Variants in PRH1 observed in about 807,000 individuals in gnomAD.
PRH1 encodes the protein proline rich protein HaeIII subfamily 1, also known as salivary acidic proline-rich phosphoprotein 1/2.
In PRH1, 7 loss-of-function variants were observed where a neutral mutation model predicts 7.9. The observed-to-expected ratio is 0.89, with a 90% CI of 0.50 to 1.67. The LOEUF (loss-of-function observed/expected upper bound fraction) is 1.67. Ranked by LOEUF, PRH1 falls within the 40% of genes most tolerant of loss-of-function variation. The pLI, the probability that PRH1 is intolerant of heterozygous loss-of-function variation, is 0.00. For missense variants in PRH1, 109 were observed against 223.6 expected (o/e 0.49, Z 3.27); for synonymous variants, 45 against 80.8 (o/e 0.56, Z 2.38).
intron 2 of PRH1, among the ~76,000 whole-genome samples, chr12:10,961,932 C>T (rs1341350737): frequency 6.6e-6 from 1 of 152,154 alleles, no homozygotes; most frequent in African/African-American, 2.4e-5. Flanking sequence ...ATGAAGTTGC[C>T]ACAACAGAGT....
chr12:10,902,305 C>T (rs752110870), intron 2 of PRH1, among the ~76,000 whole-genome samples: 1 of 151,374 alleles, frequency 6.6e-6, no homozygotes, highest in South Asian at 2.1e-4. Context: ...TTTGAACTAA[C>T]CCAGAAAAAA....
chr12:11,046,980 G>A, intron 1 of PRH1: 1 of 482,412 alleles, frequency 2.1e-6, no homozygotes, highest in Non-Finnish European at 4.4e-6. Flanking sequence ...GAATCATCAA[G>A]ATTAGTGGTT....
In PRH1 at chr12:11,006,583, C is replaced by T. The variant is rs957939283; in HGVS notation, c.-125-32862G>A. ...TTTTGTGGAGACAAATTTCCAAGAA[C>T]GAATGCAAACACACAGAGTTGACAA... is the stretch of plus-strand genomic sequence containing the variant. On this transcript the variant is annotated intron_variant, in intron 1 of 3. Transcript: ENST00000539853. 5.3e-5 allele frequency among the ~76,000 whole-genome samples: 8 copies of T among 151,762 alleles called. No homozygotes were observed. In the South Asian group the frequency reaches 1.0e-3, roughly 20 times the overall value.
At chr12:10,981,867 T>A (rs2135972080) in intron 1 of PRH1, among the ~76,000 whole-genome samples, 1 of 150,960 alleles carries the variant, frequency 6.6e-6, no homozygotes, top group East Asian at 1.9e-4. Context: ...ACAACTAATT[T>A]TTTTTTTTTT....
chr12:10,937,265 T>C (rs1950304514), intron 2 of PRH1: 1 of 151,896 alleles, frequency 6.6e-6, no homozygotes, highest in African/African-American at 2.4e-5. Context: ...TGTATGAATA[T>C]GTATATTGTA....
intron 2 of PRH1, among the ~76,000 whole-genome samples, chr12:10,947,403 A>G (rs1232838860): frequency 2.6e-5 from 4 of 151,740 alleles, no homozygotes; most frequent in Non-Finnish European, 3.0e-5. Context: ...TTTTTTTTAA[A>G]AAACTTTCAT....
chr12:11,122,502 T>C (rs953529531), intron 1 of PRH1, among the ~76,000 whole-genome samples: 1 of 152,256 alleles, frequency 6.6e-6, no homozygotes, highest in Non-Finnish European at 1.5e-5. Context: ...ATGTCCACAC[T>C]TGTTGTGTCA....
intron 1 of PRH1, among the ~76,000 whole-genome samples, chr12:11,066,333 T>C (rs959422947): frequency 1.2e-4 from 19 of 152,178 alleles, no homozygotes; most frequent in Non-Finnish European, 2.6e-4. Context: ...AGCTAGCTCA[T>C]AAAATGTATC....
chr12:11,070,968 A>G lies in PRH1; in HGVS notation n.124-23780T>C, dbSNP rs533696615. Among the ~76,000 whole-genome samples the G allele has an allele frequency of 1.5e-3, 214 of 142,336 alleles. 1 individual carries two copies. Among genetic ancestry groups the G allele is most frequent in the African/African-American group, 5.1e-3 (202 of 39,358 alleles). The allele number at this position is 142,336 out of a possible 152,430, so 93.4% of individuals were successfully genotyped here. A position where few individuals can be genotyped will look rare whatever the true frequency, so the allele number is the denominator to read the frequency against. On this transcript the variant is annotated intron_variant and non_coding_transcript_variant, in intron 1 of 4. Coordinates refer to the PRH1 transcript ENST00000541977. ...ATTGCCCCATTTTTTTCTAAGAAAA[A>G]GAGAATGAATTATGATTTTTATTAT...
chr12:11,030,337 A>T, intron 1 of PRH1: 1 of 1,543,108 alleles, frequency 6.5e-7, no homozygotes, highest in East Asian at 2.2e-5. Context: ...ACCAGTAAGA[A>T]ATATAAAATG....
intron 1 of PRH1, chr12:11,133,107 C>T (rs1946417203): frequency 4.4e-6 from 3 of 688,192 alleles, no homozygotes; most frequent in Non-Finnish European, 6.2e-6. Context: ...TGTCAATGTT[C>T]TTCAGTTTTT....
intron 1 of PRH1, among the ~76,000 whole-genome samples, chr12:11,166,655 T>C (rs1482865023): frequency 6.6e-6 from 1 of 152,242 alleles, no homozygotes; most frequent in African/African-American, 2.4e-5. Context: ...CTCCAGTTTC[T>C]ATTACTCCAC....
chr12:11,132,211 G>C (rs1424582051), intron 1 of PRH1, among the ~76,000 whole-genome samples: 2 of 45,722 alleles, frequency 4.4e-5, no homozygotes, highest in Admixed American at 5.6e-4. Flanking sequence ...TTTAATCATT[G>C]ACAACAAAAT....
intron 1 of PRH1, among the ~76,000 whole-genome samples, chr12:11,071,520 A>G (rs1204338469): frequency 1.3e-5 from 2 of 152,212 alleles, no homozygotes; most frequent in East Asian, 1.9e-4. Flanking sequence ...TAGTTTATCT[A>G]AAGAGCTTGT....
chr12:10,946,400 T>A (rs998958055), intron 2 of PRH1, among the ~76,000 whole-genome samples: 1 of 152,308 alleles, frequency 6.6e-6, no homozygotes, highest in South Asian at 2.1e-4. Flanking sequence ...AATTTATCTA[T>A]CTCTTCTAGG....
At chr12:11,040,308 G>T (rs780170114) in intron 1 of PRH1, among the ~76,000 whole-genome samples, 1 of 152,144 alleles carries the variant, frequency 6.6e-6, no homozygotes, top group Non-Finnish European at 1.5e-5. Context: ...TGCCAAGACA[G>T]GAAACCAGAT....
chr12:11,168,278 AAG>A (rs1947668921), intron 1 of PRH1, among the ~76,000 whole-genome samples: 1 of 52,480 alleles, frequency 1.9e-5, no homozygotes, highest in Non-Finnish European at 4.7e-5. Flanking sequence ...GAAAGAAAGA[AAG>A]AAAGAAAGAA....
At chr12:10,974,643 A>G (rs1939003670) in intron 1 of PRH1, among the ~76,000 whole-genome samples, 1 of 152,192 alleles carries the variant, frequency 6.6e-6, no homozygotes, top group African/African-American at 2.4e-5. Flanking sequence ...GAACCCATCC[A>G]AAGTACAGCA....
At chr12:11,099,237 C>A (rs936412430) in intron 1 of PRH1, among the ~76,000 whole-genome samples, 9 of 152,140 alleles carry the variant, frequency 5.9e-5, no homozygotes, top group Non-Finnish European at 1.3e-4. Flanking sequence ...GGCTTCCATA[C>A]TGGGGATTCT....
Sources: gnomAD v4.1 joint callset for allele counts (sites outside exome capture counted in the v4.1 genomes callset) on GRCh38, gnomAD v4.1.1 for gene constraint, MANE v1.5 for transcripts, NCBI Gene and HGNC (gene_info 2026-07-23, HGNC 2026-07-21) for gene names.